FAM151B: variants seen among roughly 807,000 people sequenced by gnomAD.
FAM151B encodes protein FAM151B.
FAM151B carries 24 observed loss-of-function variants against 31.2 expected under a neutral mutation model. The ratio of observed to expected loss-of-function variants is 0.77; its 90% CI spans 0.56 to 1.08. FAM151B has a LOEUF of 1.08. Among genes scored for constraint, FAM151B ranks in the 50% least tolerant of loss-of-function variants. The pLI, the probability that FAM151B is intolerant of heterozygous loss-of-function variation, is 0.00. For missense variants in FAM151B, 293 were observed against 328.6 expected, an observed-to-expected ratio of 0.89 and a Z score of 0.84; for synonymous variants, 105 against 111.4, an observed-to-expected ratio of 0.94 and a Z score of 0.36.
At chr5:80,512,966 G>A (rs546533862) in intron 2 of FAM151B, among the ~76,000 whole-genome samples, 9 of 151,870 alleles carry the variant, frequency 5.9e-5, no homozygotes, top group South Asian at 2.1e-4. Context: ...GGGGAATTAC[G>A]GCCCCAACCC....
rs71601590 is a variant in FAM151B, at chr5:80,533,749, CAAAA to C, written c.672-7908_672-7905del. Among the ~76,000 whole-genome samples the C allele has an allele frequency of 4.4e-5, 3 of 67,526 alleles. No individual in the cohort carries two copies. In the East Asian group the frequency reaches 1.6e-3, roughly 35 times the overall value. The allele number at this position is 67,526 out of a possible 152,430, so 44.3% of individuals were successfully genotyped here. On this transcript the variant is annotated intron_variant, in intron 5 of 5. Coordinates refer to ENST00000282226, the MANE Select transcript of FAM151B (RefSeq NM_205548.3). ...TGGGCAACAGAGCGAGACTCCATCT[CAAAA>C]AAAAAAAAAAAAAAAGAGCAGAAAT... is the stretch of plus-strand genomic sequence containing the variant.
chr5:80,535,999 T>G (rs932930142), intron 5 of FAM151B, among the ~76,000 whole-genome samples: 1 of 152,140 alleles, frequency 6.6e-6, no homozygotes, highest in African/African-American at 2.4e-5. Flanking sequence ...TCAACATCAT[T>G]GATTATCAGG....
intron 4 of FAM151B, among the ~76,000 whole-genome samples, chr5:80,520,368 G>T (rs1352543621): frequency 6.6e-6 from 1 of 151,980 alleles, no homozygotes; most frequent in African/African-American, 2.4e-5. Context: ...ATTCTGGCCG[G>T]GCGTGGTGGC....
chr5:80,523,305 A>G (rs1254594076), intron 5 of FAM151B, among the ~76,000 whole-genome samples: 1 of 152,238 alleles, frequency 6.6e-6, no homozygotes, highest in Non-Finnish European at 1.5e-5. Flanking sequence ...AATTCTGACA[A>G]ATAAAGGATT....
At chr5:80,493,101 A>G (rs1743383116) in intron 1 of FAM151B, among the ~76,000 whole-genome samples, 1 of 152,248 alleles carries the variant, frequency 6.6e-6, no homozygotes, top group South Asian at 2.1e-4. Flanking sequence ...GTGCCACTCC[A>G]TGGAACACAC....
chr5:80,513,617 G>T lies in FAM151B; in HGVS notation c.165G>T (p.Met55Ile). 2 of 1,613,252 alleles carry T rather than the reference G, an allele frequency of 1.2e-6. No individual in the cohort carries two copies. The highest frequency in any genetic ancestry group is 1.7e-6 in the Non-Finnish European group (2 of 1,179,814). The change falls in exon 3 of 6, where the codon ATG (methionine) becomes ATT (isoleucine). Residue 55 changes from methionine to isoleucine, a missense_variant. Coordinates refer to ENST00000282226, the MANE Select transcript of FAM151B (RefSeq NM_205548.3). Reference protein sequence around the residue: ...TNEALKSTAHMIEADVLLPSD... With the variant: ...TNEALKSTAHIIEADVLLPSD... ...TTATTTGGACAGGTACTGCTCACAT[G>T]ATAGAGGCTGATGTCCTTCTTCCAA...
At position 80,491,637 on chromosome 5, in the gene FAM151B, G is replaced by A. The variant is rs1488296731; in HGVS notation, c.25+3489G>A. 3.9e-5 allele frequency among the ~76,000 whole-genome samples: 6 copies of A among 152,180 alleles called. No homozygotes were observed. The South Asian group carries it at 1.2e-3, about 32-fold the overall frequency. On this transcript the variant is annotated intron_variant, in intron 1 of 5. Transcript: ENST00000282226. ...ATCCCCCTCCCATCCAATTGCCCTG[G>A]CTGCATCCCTAGCCTCTGGTAACCA...
At chr5:80,505,415 G>A (rs1221253559) in intron 2 of FAM151B, among the ~76,000 whole-genome samples, 1 of 145,146 alleles carries the variant, frequency 6.9e-6, no homozygotes. Context: ...TCTTTTTTGA[G>A]ACAGAGTCTC....
chr5:80,536,988 T>C (rs935445517), intron 5 of FAM151B, among the ~76,000 whole-genome samples: 8 of 152,128 alleles, frequency 5.3e-5, no homozygotes, highest in Non-Finnish European at 1.2e-4. Context: ...TAATATGTGA[T>C]AGCACAATGG....
At chr5:80,538,518 TTCC>T (rs1745699052) in intron 5 of FAM151B, among the ~76,000 whole-genome samples, 1 of 36,386 alleles carries the variant, frequency 2.7e-5, no homozygotes, top group Non-Finnish European at 4.9e-5. Flanking sequence ...CTTTCTTTCC[TTCC>T]TTCCTTCCTT....
chr5:80,540,742 C>A (rs1237115683), intron 5 of FAM151B, among the ~76,000 whole-genome samples: 1 of 152,144 alleles, frequency 6.6e-6, no homozygotes, highest in Non-Finnish European at 1.5e-5. Flanking sequence ...TGTCCCTTAG[C>A]TGTAGTTTAA....
chr5:80,501,990 A>G (rs1743767787), intron 2 of FAM151B, 73 bp downstream of exon 2: 9 of 1,220,716 alleles, frequency 7.4e-6, no homozygotes, highest in Non-Finnish European at 1.0e-5. Flanking sequence ...ATATCTAGGT[A>G]TATTTGCAGA....
intron 5 of FAM151B, among the ~76,000 whole-genome samples, chr5:80,524,731 T>C (rs1744882413): frequency 6.6e-6 from 1 of 152,198 alleles, no homozygotes; most frequent in African/African-American, 2.4e-5. Flanking sequence ...TAACAGTGTT[T>C]CAGATAACAA....
chr5:80,496,012 GC>G (rs1743525470), intron 1 of FAM151B, among the ~76,000 whole-genome samples: 1 of 152,174 alleles, frequency 6.6e-6, no homozygotes, highest in African/African-American at 2.4e-5. Flanking sequence ...TGGTGAAGAT[GC>G]TGTGAACATT....
intron 5 of FAM151B, among the ~76,000 whole-genome samples, chr5:80,535,977 A>G (rs1032061332): frequency 6.6e-6 from 1 of 152,194 alleles, no homozygotes; most frequent in African/African-American, 2.4e-5. Flanking sequence ...AAACAGGCAT[A>G]TGAAAAGTTG....
chr5:80,528,129 G>A (rs760848930), intron 5 of FAM151B, among the ~76,000 whole-genome samples: 13 of 151,896 alleles, frequency 8.6e-5, no homozygotes, highest in African/African-American at 2.7e-4. Flanking sequence ...AAAATTTCCC[G>A]AATGAGTAGA....
At chr5:80,530,562 C>T (rs1293301859) in intron 5 of FAM151B, among the ~76,000 whole-genome samples, 1 of 152,054 alleles carries the variant, frequency 6.6e-6, no homozygotes, top group Non-Finnish European at 1.5e-5. Context: ...ATCAATGTGC[C>T]AAAATCACAA....
intron 3 of FAM151B, among the ~76,000 whole-genome samples, chr5:80,515,169 G>A (rs925124144): frequency 1.3e-5 from 2 of 152,090 alleles, no homozygotes; most frequent in African/African-American, 4.8e-5. Flanking sequence ...GAACCCAGGA[G>A]GTGGAGGTTG....
Position 80,513,649 on chromosome 5 carries a change from G to A in FAM151B, c.197G>A (p.Gly66Glu), listed in dbSNP as rs139629089. Residue 66 changes from glycine (G) to glutamate (E), a missense_variant, in exon 3 of 6, where the codon GGA (glycine) becomes GAA (glutamate). Gly to Glu is a moderately conservative substitution (Grantham distance 98). Transcript: ENST00000282226. ...GCTGATGTCCTTCTTCCAAGTGATG[G>A]ATCAGAACACAGCCAGCCAATTATG... ...IEADVLLPSD[G>E]SEHSQPIMAH... The A allele has an allele frequency of 3.3e-4, 537 of 1,614,072 alleles. No individual in the cohort carries two copies. Among genetic ancestry groups the A allele is most frequent in the Middle Eastern group, 1.8e-3 (11 of 6,062 alleles).
Sources: gnomAD v4.1 joint callset for allele counts (sites outside exome capture counted in the v4.1 genomes callset) on GRCh38, gnomAD v4.1.1 for gene constraint, MANE v1.5 for transcripts, NCBI Gene and HGNC (gene_info 2026-07-23, HGNC 2026-07-21) for gene names.